WDR41: variants seen among roughly 807,000 people sequenced by gnomAD.
The protein encoded by WDR41 is WD repeat domain 41, also known as WD repeat-containing protein 41.
WDR41 carries 63 observed loss-of-function variants against 69.3 expected under a neutral mutation model. The observed-to-expected ratio is 0.91, with a 90% CI of 0.74 to 1.12. The LOEUF (loss-of-function observed/expected upper bound fraction) is 1.12, where lower values mean the gene tolerates loss of function less well. Ranked by LOEUF, WDR41 falls within the 50% of genes most tolerant of loss-of-function variation. The pLI is 0.00. For synonymous variants in WDR41, 185 were observed against 192.1 expected (o/e 0.96, Z 0.31); for missense variants, 543 against 534.5 (o/e 1.02, Z -0.16).
chr5:77,482,744 G>C (rs563373272), intron 2 of WDR41, among the ~76,000 whole-genome samples: 8 of 151,764 alleles, frequency 5.3e-5, no homozygotes, highest in African/African-American at 1.5e-4. Context: ...TCATTTGAAG[G>C]GGTTCAGAGC....
intron 1 of WDR41, among the ~76,000 whole-genome samples, chr5:77,582,044 A>G (rs1432724431): frequency 2.6e-5 from 4 of 152,204 alleles, no homozygotes; most frequent in Non-Finnish European, 4.4e-5. Context: ...AATCAATGAA[A>G]TCAAAAGCCA....
chr5:77,472,786 G>C (rs1800688609), intron 2 of WDR41, among the ~76,000 whole-genome samples: 3 of 151,728 alleles, frequency 2.0e-5, no homozygotes, highest in African/African-American at 7.3e-5. Flanking sequence ...CAAACAAATG[G>C]AAGAACATTC....
intron 1 of WDR41, among the ~76,000 whole-genome samples, chr5:77,577,998 G>C (rs1185602590): frequency 6.6e-6 from 1 of 152,074 alleles, no homozygotes; most frequent in East Asian, 1.9e-4. Flanking sequence ...AATTTATTGA[G>C]CACTGTCCCG....
At chr5:77,565,799 T>C (rs186196162) in intron 1 of WDR41, among the ~76,000 whole-genome samples, 1 of 152,268 alleles carries the variant, frequency 6.6e-6, no homozygotes, top group East Asian at 1.9e-4. Context: ...CTTCTCCTAC[T>C]ACATTTTTAT....
intron 1 of WDR41, among the ~76,000 whole-genome samples, chr5:77,609,567 C>T (rs1278870758): frequency 6.6e-6 from 1 of 152,194 alleles, no homozygotes; most frequent in African/African-American, 2.4e-5. Flanking sequence ...GGACCTCTAG[C>T]AAACTCCAAC....
rs149243586 is a variant in WDR41, at chr5:77,532,552, T to A, written c.43-42980A>T. On this transcript the variant is annotated intron_variant, in intron 1 of 5. Transcript: ENST00000509971. ...ATCTAAAAACTTTTGGAAACTCAAATGTTTATCAACAGTAGAATGGATAAG... is the reference window on the plus strand; with the variant it reads ...ATCTAAAAACTTTTGGAAACTCAAAAGTTTATCAACAGTAGAATGGATAAG... 7.2e-5 allele frequency among the ~76,000 whole-genome samples: 11 copies of A among 152,212 alleles called. No individual in the cohort carries two copies. In the East Asian group the frequency reaches 2.1e-3, roughly 29 times the overall value.
At chr5:77,462,573 A>T (rs913382016) in intron 4 of WDR41, among the ~76,000 whole-genome samples, 1 of 152,192 alleles carries the variant, frequency 6.6e-6, no homozygotes, top group Non-Finnish European at 1.5e-5. Flanking sequence ...ATGGGTAAAG[A>T]AAAAGTAATT....
chr5:77,475,404 C>A (rs1163311984), intron 2 of WDR41, among the ~76,000 whole-genome samples: 3 of 152,254 alleles, frequency 2.0e-5, no homozygotes, highest in Non-Finnish European at 4.4e-5. Context: ...GTAACCTCTG[C>A]AGACTTAAAT....
intron 9 of WDR41, among the ~76,000 whole-genome samples, chr5:77,439,428 G>A (rs537019940): frequency 1.3e-5 from 2 of 152,138 alleles, no homozygotes; most frequent in Non-Finnish European, 2.9e-5. Flanking sequence ...ATGCAGCCGA[G>A]GCCCAATGCC....
chr5:77,597,478 C>T (rs984904561), intron 1 of WDR41, among the ~76,000 whole-genome samples: 5 of 152,128 alleles, frequency 3.3e-5, no homozygotes, highest in African/African-American at 4.8e-5. Flanking sequence ...TCATCAGAGT[C>T]GTGATTAGGC....
At chr5:77,569,521 C>T (rs548337930) in intron 1 of WDR41, among the ~76,000 whole-genome samples, 15 of 152,168 alleles carry the variant, frequency 9.9e-5, no homozygotes, top group African/African-American at 3.4e-4. Context: ...CAATGACATG[C>T]TTCACTGACC....
chr5:77,564,554 C>T (rs896732140), intron 1 of WDR41, among the ~76,000 whole-genome samples: 1 of 152,128 alleles, frequency 6.6e-6, no homozygotes, highest in South Asian at 2.1e-4. Flanking sequence ...TCTAAATGAC[C>T]TAACTTCTTT....
intron 1 of WDR41, among the ~76,000 whole-genome samples, chr5:77,555,959 G>A (rs1171413812): frequency 2.6e-5 from 4 of 152,112 alleles, no homozygotes; most frequent in African/African-American, 9.7e-5. Context: ...CAGATATCAG[G>A]TGTTTTATAA....
intron 1 of WDR41, among the ~76,000 whole-genome samples, chr5:77,619,521 C>T (rs373836022): frequency 6.6e-6 from 1 of 152,060 alleles, no homozygotes; most frequent in Admixed American, 6.6e-5. Context: ...GCTTGAGCAA[C>T]GTGTCCAGCT....
At chr5:77,588,201 A>G (rs1215124980) in intron 1 of WDR41, among the ~76,000 whole-genome samples, 1 of 152,220 alleles carries the variant, frequency 6.6e-6, no homozygotes, top group Non-Finnish European at 1.5e-5. Flanking sequence ...ATATATATGC[A>G]TTATACAAAT....
chr5:77,520,700 T>G (rs1802358241), intron 1 of WDR41, among the ~76,000 whole-genome samples: 1 of 152,180 alleles, frequency 6.6e-6, no homozygotes, highest in African/African-American at 2.4e-5. Flanking sequence ...AAGCTGAAGG[T>G]CACTTTGCCC....
At chr5:77,620,392 G>A (rs938029393) in intron 1 of WDR41, 1 of 434,268 alleles carries the variant, frequency 2.3e-6, no homozygotes, top group African/African-American at 2.0e-5. Context: ...TTTTAATAGG[G>A]GAAAAGAATT....
intron 2 of WDR41, among the ~76,000 whole-genome samples, chr5:77,475,188 T>C (rs1277101327): frequency 6.6e-6 from 1 of 152,176 alleles, no homozygotes; most frequent in Non-Finnish European, 1.5e-5. Context: ...TCTCGCTAAT[T>C]GCTAGCACAG....
intron 6 of WDR41, 156 bp downstream of exon 6, chr5:77,453,661 C>T (rs1799710499): frequency 3.3e-6 from 2 of 613,072 alleles, no homozygotes; most frequent in Non-Finnish European, 5.8e-6. Flanking sequence ...TTTTACACAA[C>T]CCCGATCTGA....
Sources: allele counts gnomAD v4.1 joint callset (sites outside exome capture counted in the v4.1 genomes callset), GRCh38; gene constraint gnomAD v4.1.1; transcripts MANE v1.5; gene names NCBI Gene and HGNC (gene_info 2026-07-23, HGNC 2026-07-21).